MIPEP: variants seen among roughly 807,000 people sequenced by gnomAD.
The protein encoded by MIPEP is mitochondrial intermediate peptidase.
MIPEP carries 79 observed loss-of-function variants against 90.3 expected under a neutral mutation model. That is an observed-to-expected ratio of 0.87 (90% CI 0.73 to 1.05). The LOEUF is 1.05. Ranked by LOEUF, MIPEP falls within the 50% of genes least tolerant of loss-of-function variation. MIPEP has a pLI of 0.00. For synonymous variants in MIPEP, 334 were observed against 315.8 expected (o/e 1.06, Z -0.61); for missense variants, 940 against 905.6 (o/e 1.04, Z -0.49).
At chr13:23,833,385 T>C (rs552019961) in intron 14 of MIPEP, among the ~76,000 whole-genome samples, 2 of 152,358 alleles carry the variant, frequency 1.3e-5, no homozygotes, top group East Asian at 3.9e-4. Context: ...AAATTTTAGA[T>C]TCTTTAGAGA....
intron 16 of MIPEP, 176 bp from the exon 17 acceptor site, chr13:23,760,393 G>T: frequency 3.6e-6 from 3 of 832,474 alleles, no homozygotes; most frequent in Non-Finnish European, 6.1e-6. Flanking sequence ...ACACTGTTAG[G>T]GCTGAACTGT....
At position 23,886,316 on chromosome 13, in the gene MIPEP, G is replaced by T; in HGVS notation, c.363+17C>A. 6.9e-7 allele frequency: 1 copy of T among 1,456,152 alleles called. No homozygotes were observed. The highest frequency in any genetic ancestry group is 1.6e-5 in the South Asian group (1 of 63,730). The allele number at this position is 1,456,152 out of a possible 1,614,324, so 90.2% of individuals were successfully genotyped here. A position where few individuals can be genotyped will look rare whatever the true frequency, so the allele number is the denominator to read the frequency against. On this transcript the variant is annotated intron_variant, in intron 2 of 18. Coordinates refer to ENST00000382172, the MANE Select transcript of MIPEP (RefSeq NM_005932.4). Reference sequence around the variant, plus strand: ...TTGAAAGAGAGGTAGCTTCAAGTCTGAGGTAAAGCACCTTACCAAGTCGGC... The same window carrying T: ...TTGAAAGAGAGGTAGCTTCAAGTCTTAGGTAAAGCACCTTACCAAGTCGGC...
At chr13:23,747,405 T>C (rs1593129837) in intron 18 of MIPEP, 1 of 360,412 alleles carries the variant, frequency 2.8e-6, no homozygotes, top group Non-Finnish European at 5.6e-6. Context: ...GCGGACCCCC[T>C]TTCTTCTAGT....
chr13:23,820,908 A>G (rs1953298558), intron 14 of MIPEP, among the ~76,000 whole-genome samples: 1 of 152,258 alleles, frequency 6.6e-6, no homozygotes, highest in African/African-American at 2.4e-5. Flanking sequence ...TCAATGCATT[A>G]GCAGATCCAC....
chr13:23,861,709 CT>C (rs1350820325), intron 9 of MIPEP, among the ~76,000 whole-genome samples: 7 of 152,146 alleles, frequency 4.6e-5, no homozygotes, highest in Admixed American at 6.6e-5. Context: ...GGAATGAGTC[CT>C]AATATCTGGA....
chr13:23,808,981 G>C (rs768473551), intron 15 of MIPEP, among the ~76,000 whole-genome samples: 69 of 152,202 alleles, frequency 4.5e-4, no homozygotes, highest in Non-Finnish European at 8.5e-4. Context: ...ATGAAAGATG[G>C]GTGTTTAAGG....
At chr13:23,837,430 A>AT in intron 13 of MIPEP, 122 bp downstream of exon 13, 1 of 751,216 alleles carries the variant, frequency 1.3e-6, no homozygotes, top group Non-Finnish European at 2.2e-6. Context: ...GCAATCTGAG[A>AT]TAAAGACCAC....
At chr13:23,880,673 G>A (rs998757448) in intron 3 of MIPEP, among the ~76,000 whole-genome samples, 15 of 152,208 alleles carry the variant, frequency 9.9e-5, no homozygotes, top group African/African-American at 3.6e-4. Context: ...AGCATGCCCA[G>A]TATCTGCACT....
intron 5 of MIPEP, among the ~76,000 whole-genome samples, chr13:23,872,095 CTG>C (rs945595638): frequency 4.7e-4 from 72 of 152,250 alleles, no homozygotes; most frequent in African/African-American, 1.7e-3. Context: ...TATGAAATTT[CTG>C]TGTTATTAAA....
intron 7 of MIPEP, among the ~76,000 whole-genome samples, chr13:23,868,582 C>T (rs1870645063): frequency 1.3e-5 from 2 of 152,070 alleles, no homozygotes; most frequent in Non-Finnish European, 2.9e-5. Context: ...CCTCCTCCTC[C>T]CTCTCACCCT....
At chr13:23,810,021 C>A (rs2137409447) in intron 14 of MIPEP, 97 bp from the exon 15 acceptor site, 1 of 649,994 alleles carries the variant, frequency 1.5e-6, no homozygotes, top group Non-Finnish European at 2.7e-6. Context: ...TCAAATGTAA[C>A]ATGAGTAATA....
rs190785911 is a variant in MIPEP at position 23,854,100 on chromosome 13, C to T, written c.1106+4760G>A. Among the ~76,000 whole-genome samples the T allele has an allele frequency of 7.2e-4, 109 of 151,090 alleles. No homozygotes were observed. The South Asian group carries it at 7.5e-3, about 10-fold the overall frequency. On this transcript the variant is annotated intron_variant, in intron 10 of 18. Transcript: ENST00000382172. ...CAGCACTTTGGGAGGCCGAGGTGGG[C>T]GGATCACAAGTTCAGCAGATCGAGA...
intron 12 of MIPEP, 105 bp downstream of exon 12, chr13:23,839,544 T>C (rs1007692229): frequency 1.9e-5 from 12 of 634,296 alleles, no homozygotes; most frequent in East Asian, 3.0e-5. Context: ...CCATCATTAG[T>C]AACTTTTAAA....
At chr13:23,806,716 A>ATATCTATC (rs10675933) in intron 15 of MIPEP, among the ~76,000 whole-genome samples, 12,731 of 147,144 alleles carry the variant, frequency 0.087, 593 homozygotes, top group South Asian at 0.11. Flanking sequence ...AAAAAAATCT[A>ATATCTATC]TATCTATCTA....
intron 16 of MIPEP, among the ~76,000 whole-genome samples, chr13:23,779,056 C>T (rs931610803): frequency 6.6e-6 from 1 of 152,184 alleles, no homozygotes; most frequent in African/African-American, 2.4e-5. Context: ...ACTCTTTATC[C>T]TGGAATGTTC....
chr13:23,809,738 T>A, intron 15 of MIPEP, 112 bp downstream of exon 15: 1 of 704,306 alleles, frequency 1.4e-6, no homozygotes, highest in Middle Eastern at 2.5e-4. Flanking sequence ...ATGAAAGATG[T>A]TTTAGAAGCA....
Position 23,810,048 on chromosome 13 carries a change from TA to T in MIPEP, c.1654-125del, listed in dbSNP as rs997415596. ...TGAGTAATAGAATTTCATTATAGTT[TA>T]AAAATAATAACTTTAAATATTTTAG... On this transcript the variant is annotated intron_variant, in intron 14 of 18. Transcript: ENST00000382172. 7 of 532,266 alleles carry T rather than the reference TA, an allele frequency of 1.3e-5. No homozygotes were observed. The African/African-American group carries it at 1.4e-4, about 10-fold the overall frequency. The allele number at this position is 532,266 out of a possible 1,614,324, so 33.0% of individuals were successfully genotyped here.
At chr13:23,830,928 G>C (rs1868708097) in intron 14 of MIPEP, among the ~76,000 whole-genome samples, 1 of 152,266 alleles carries the variant, frequency 6.6e-6, no homozygotes, top group Non-Finnish European at 1.5e-5. Flanking sequence ...AATATGCTGA[G>C]GACAAAGGGA....
At chr13:23,841,576 G>A in intron 10 of MIPEP, 88 bp from the exon 11 acceptor site, 1 of 1,336,798 alleles carries the variant, frequency 7.5e-7, no homozygotes, top group Non-Finnish European at 1.0e-6. Context: ...TAATACTTAA[G>A]ATCACTGGAG....
Sources: allele counts gnomAD v4.1 joint callset (sites outside exome capture counted in the v4.1 genomes callset), GRCh38; gene constraint gnomAD v4.1.1; transcripts MANE v1.5; gene names NCBI Gene and HGNC (gene_info 2026-07-23, HGNC 2026-07-21).